The following BLTP3B variants were observed in gnomAD, a reference collection of about 807,000 sequenced individuals.
The protein encoded by BLTP3B is bridge-like lipid transfer protein family member 3B.
the BLTP3B span, among the ~76,000 whole-genome samples, chr12:100,042,318 CA>C: frequency 3.3e-5 from 5 of 150,252 alleles, no homozygotes; most frequent in Non-Finnish European, 5.9e-5. Flanking sequence ...CCAAAAGAGT[CA>C]AAAAAAAATC....
chr12:100,047,711 T>C, the BLTP3B span: 1 of 1,168,642 alleles, frequency 8.6e-7, no homozygotes, highest in South Asian at 1.3e-5. Context: ...AGATAACACA[T>C]GTATCTTTAT....
chr12:100,103,175 A>G, the BLTP3B span, among the ~76,000 whole-genome samples: 1 of 152,140 alleles, frequency 6.6e-6, no homozygotes, highest in South Asian at 2.1e-4. Flanking sequence ...CTACTCCCAG[A>G]TATATTCATT....
the BLTP3B span, chr12:100,058,614 T>G: frequency 6.2e-7 from 1 of 1,614,058 alleles, no homozygotes; most frequent in South Asian, 1.1e-5. Context: ...GCTCACACTT[T>G]CAGAAACAGG....
chr12:100,050,556 T>C, the BLTP3B span, among the ~76,000 whole-genome samples: 2 of 152,104 alleles, frequency 1.3e-5, no homozygotes, highest in African/African-American at 4.8e-5. Flanking sequence ...CTAGACATAA[T>C]ATATTTTTCA....
chr12:100,058,550 T>G, the BLTP3B span: 7 of 1,612,452 alleles, frequency 4.3e-6, no homozygotes, highest in Non-Finnish European at 5.9e-6. Context: ...TTTGTTTTCT[T>G]TTTGAAGACA....
chr12:100,091,074 T>C, the BLTP3B span, among the ~76,000 whole-genome samples: 1 of 151,452 alleles, frequency 6.6e-6, no homozygotes. Flanking sequence ...TTACCCAGGC[T>C]GGAGTGTAGT....
At chr12:100,123,671 C>T in the BLTP3B span, among the ~76,000 whole-genome samples, 1 of 152,032 alleles carries the variant, frequency 6.6e-6, no homozygotes, top group African/African-American at 2.4e-5. Context: ...TGATTAACGT[C>T]AAGGCATAAA....
the BLTP3B span, among the ~76,000 whole-genome samples, chr12:100,097,770 C>A: frequency 7.8e-4 from 119 of 152,212 alleles, no homozygotes; most frequent in Middle Eastern, 6.8e-3. Context: ...TGCATGAAAT[C>A]ACGTTACCAA....
At chr12:100,131,141 T>C in the BLTP3B span, among the ~76,000 whole-genome samples, 1 of 151,566 alleles carries the variant, frequency 6.6e-6, no homozygotes, top group Non-Finnish European at 1.5e-5. Context: ...CAAAATCCCA[T>C]CTCTACCAAA....
At chr12:100,060,172 AAAATC>A in the BLTP3B span, 3 of 737,754 alleles carry the variant, frequency 4.1e-6, no homozygotes, top group Admixed American at 4.0e-5. Flanking sequence ...TATTATTTAC[AAAATC>A]AAAGTGATAC....
chr12:100,124,972 A>ATATT, the BLTP3B span, among the ~76,000 whole-genome samples: 1 of 86,908 alleles, frequency 1.2e-5, no homozygotes, highest in Non-Finnish European at 2.1e-5. Context: ...ATATATATAT[A>ATATT]TATATATTTA....
At chr12:100,058,948 A>G in the BLTP3B span, 1 of 1,614,022 alleles carries the variant, frequency 6.2e-7, no homozygotes, top group Non-Finnish European at 8.5e-7. Flanking sequence ...AAAGGCTCAG[A>G]CTCTGTACTA....
the BLTP3B span, among the ~76,000 whole-genome samples, chr12:100,114,523 G>GA: frequency 1.3e-5 from 2 of 152,180 alleles, no homozygotes; most frequent in Non-Finnish European, 2.9e-5. Context: ...CTACAAGGAT[G>GA]AAATTCTCAT....
the BLTP3B span, among the ~76,000 whole-genome samples, chr12:100,101,915 T>C: frequency 6.6e-6 from 1 of 152,154 alleles, no homozygotes; most frequent in East Asian, 1.9e-4. Context: ...GCAATTCTCC[T>C]GCCTGGGCCT....
chr12:100,108,750 T>C, the BLTP3B span, among the ~76,000 whole-genome samples: 2 of 152,144 alleles, frequency 1.3e-5, no homozygotes, highest in East Asian at 1.9e-4. Flanking sequence ...ATCCTGTCAT[T>C]TGCAACAACA....
chr12:100,121,354 G>GAAAAAAAAAAAAAAA, the BLTP3B span, among the ~76,000 whole-genome samples: 1 of 97,134 alleles, frequency 1.0e-5, no homozygotes, highest in Non-Finnish European at 2.2e-5. Context: ...CCATCTCATG[G>GAAAAAAAAAAAAAAA]AAAAAAAAAA....
At chr12:100,039,279 C>A in the BLTP3B span, among the ~76,000 whole-genome samples, 1 of 150,830 alleles carries the variant, frequency 6.6e-6, no homozygotes, top group South Asian at 2.1e-4. Context: ...GCAAATACAG[C>A]AATATGAAAA....
chr12:100,101,577 T>C, the BLTP3B span, among the ~76,000 whole-genome samples: 1 of 152,222 alleles, frequency 6.6e-6, no homozygotes, highest in Non-Finnish European at 1.5e-5. Flanking sequence ...AGAAAAATCA[T>C]GTATAGTTCT....
At chr12:100,069,025 C>G in the BLTP3B span, among the ~76,000 whole-genome samples, 111 of 152,222 alleles carry the variant, frequency 7.3e-4, 1 homozygote, top group African/African-American at 2.6e-3. Context: ...ATCACAAGGT[C>G]AGGAGTTCAA....
Sources: allele counts gnomAD v4.1 joint callset (sites outside exome capture counted in the v4.1 genomes callset), GRCh38; gene constraint gnomAD v4.1.1; transcripts MANE v1.5; gene names NCBI Gene and HGNC (gene_info 2026-07-23, HGNC 2026-07-21).